NKTR: variants seen among roughly 807,000 people sequenced by gnomAD.
NKTR encodes natural killer cell triggering receptor, also known as NK-tumor recognition protein.
Under a neutral mutation model 156.3 loss-of-function variants are expected in NKTR, and 67 were observed. The observed-to-expected ratio is 0.43, with a 90% CI of 0.35 to 0.53. The LOEUF (loss-of-function observed/expected upper bound fraction) is 0.53, where lower values mean the gene tolerates loss of function less well. NKTR is among the 20% of genes least tolerant of loss of function. The pLI, the probability that NKTR is intolerant of heterozygous loss-of-function variation, is 0.01. For synonymous variants in NKTR, 640 were observed against 596.6 expected (o/e 1.07, Z -1.06); for missense variants, 1,604 against 1,730.9 (o/e 0.93, Z 1.30).
chr3:42,645,736 G>A, intron 16 of NKTR, 152 bp from the exon 17 acceptor site: 1 of 507,920 alleles, frequency 2.0e-6, no homozygotes, highest in Non-Finnish European at 3.6e-6. Flanking sequence ...CCCTACCTCT[G>A]TGTTATGCTG....
At chr3:42,619,234 T>C in intron 4 of NKTR, 107 bp downstream of exon 4, 1 of 1,528,024 alleles carries the variant, frequency 6.5e-7, no homozygotes, top group South Asian at 1.3e-5. Context: ...TGATATAAAA[T>C]GTGGTCAGTG....
chr3:42,628,048 C>T, intron 6 of NKTR: 1 of 985,412 alleles, frequency 1.0e-6, no homozygotes, highest in Non-Finnish European at 1.2e-6. Context: ...AGCCAAGTGC[C>T]AGTAACCCTG....
intron 3 of NKTR, 143 bp from the exon 4 acceptor site, chr3:42,618,872 GTTAAA>G (rs1707649537): frequency 3.0e-6 from 2 of 669,816 alleles, no homozygotes; most frequent in South Asian, 4.2e-5. Context: ...ATGTGTGTAT[GTTAAA>G]TTATCATGTC....
Position 42,632,636 on chromosome 3 carries a change from G to A in NKTR, c.586G>A (p.Glu196Lys). 1 of 1,612,974 alleles carries A rather than the reference G, an allele frequency of 6.2e-7. No individual in the cohort carries two copies. The highest frequency in any genetic ancestry group is 8.5e-7 in the Non-Finnish European group (1 of 1,179,682). The change falls in exon 9 of 17, where the codon GAA (glutamate) becomes AAA (lysine). Residue 196 changes from glutamate to lysine, a missense_variant. Transcript: ENST00000232978. ...EKKRKKPTHSEGSDSSSNSSS... is the reference protein window; with the variant it reads ...EKKRKKPTHSKGSDSSSNSSS... ...AAAAAGGAAGAAACCAACTCATTCA[G>A]AAGGCTCGGATTCCTCTTCCAATTC...
chr3:42,633,666 T>C lies in NKTR; in HGVS notation c.860T>C (p.Ile287Thr). Residue 287 changes from isoleucine to threonine, a missense_variant, in exon 10 of 17, where the codon ATT becomes ACT. This residue lies in a region of NKTR where 1,255 missense variants were observed against 1,243.7 expected (regional missense o/e 1.01). Coordinates refer to ENST00000232978, the MANE Select transcript of NKTR (RefSeq NM_005385.4). ...REKPVVRPEE[I>T]PPVPENRFLL... ...AAACCTGTGGTCCGCCCAGAAGAGATTCCTCCAGTGCCTGAGAACCGATTT... is the reference window on the plus strand; with the variant it reads ...AAACCTGTGGTCCGCCCAGAAGAGACTCCTCCAGTGCCTGAGAACCGATTT... 2.5e-6 allele frequency: 4 copies of C among 1,614,082 alleles called. No individual in the cohort carries two copies. The highest frequency in any genetic ancestry group is 3.4e-6 in the Non-Finnish European group (4 of 1,179,978).
At position 42,631,171 on chromosome 3, in the gene NKTR, G is replaced by C; in HGVS notation, c.405G>C (p.Gly135=). The C allele has an allele frequency of 6.2e-7, 1 of 1,613,404 alleles. No homozygotes were observed. Among genetic ancestry groups the C allele is most frequent in the South Asian group, 1.1e-5 (1 of 90,956 alleles). ...GTTTCTTGAATTTGTATTATGACAG[G>C]GTGCATGTAGTCTTTGGACTGGTTA... is the stretch of plus-strand genomic sequence containing the variant. ...ITTKPAPHLD[G]VHVVFGLVIS... is the part of the protein sequence containing the mutation. Residue 135 remains glycine (G), a splice_region_variant and synonymous_variant, in exon 8 of 17, where the codon GGG becomes GGC. Coordinates refer to ENST00000232978, the MANE Select transcript of NKTR (RefSeq NM_005385.4).
intron 4 of NKTR, 149 bp downstream of exon 4, chr3:42,619,276 C>T: frequency 2.1e-6 from 3 of 1,437,618 alleles, no homozygotes; most frequent in Non-Finnish European, 1.8e-6. Context: ...TATTATAGGT[C>T]CAGAATGTAT....
At chr3:42,629,637 T>A in intron 6 of NKTR, 1 of 977,990 alleles carries the variant, frequency 1.0e-6, no homozygotes, top group Non-Finnish European at 1.2e-6. Context: ...CTCTTAAATA[T>A]CTGTTTCTCA....
At chr3:42,645,527 A>T (rs963240286) in intron 16 of NKTR, among the ~76,000 whole-genome samples, 3 of 151,894 alleles carry the variant, frequency 2.0e-5, no homozygotes, top group Non-Finnish European at 4.4e-5. Flanking sequence ...TCTACTAAAT[A>T]AAAAAAATTA....
At chr3:42,605,042 T>C (rs1473723772) in intron 2 of NKTR, among the ~76,000 whole-genome samples, 1 of 152,148 alleles carries the variant, frequency 6.6e-6, no homozygotes, top group Non-Finnish European at 1.5e-5. Flanking sequence ...TTGAGGCTCT[T>C]AGGTGGGTAC....
At chr3:42,642,689 T>A in intron 14 of NKTR, 93 bp downstream of exon 14, 1 of 862,678 alleles carries the variant, frequency 1.2e-6, no homozygotes. Context: ...AGAAGAATCA[T>A]GTCATTACTG....
chr3:42,627,323 C>CT, intron 6 of NKTR: 1 of 971,864 alleles, frequency 1.0e-6, no homozygotes, highest in African/African-American at 1.8e-5. Context: ...AAAAAAAAAA[C>CT]TTTCTGCTTT....
chr3:42,639,776 T>C, intron 13 of NKTR, 26 bp downstream of exon 13: 2 of 1,476,494 alleles, frequency 1.4e-6, no homozygotes, highest in Non-Finnish European at 1.9e-6. Flanking sequence ...TTTCCTTTCT[T>C]CTCCCAAGGA....
In NKTR at chr3:42,638,329, CA is replaced by C. The variant is rs1219413251; in HGVS notation, c.2629del (p.Arg877GlyfsTer117). On this transcript the variant is annotated frameshift_variant, in exon 13 of 17. Coordinates refer to ENST00000232978, the MANE Select transcript of NKTR (RefSeq NM_005385.4). LOFTEE classifies it high-confidence loss of function. ...ATCACCTTAGAAATGGCAGTAAGCCCAAAAGGAAGAATTATGCTGGTAGTAA... is the reference window on the plus strand; with the variant it reads ...ATCACCTTAGAAATGGCAGTAAGCCCAAAGGAAGAATTATGCTGGTAGTAA... ...SDHLRNGSKPKRKNYAGSKWD... is the reference protein window; with the variant it reads ...SDHLRNGSKPXRKNYAGSKWD... 31 of 1,610,780 alleles carry C rather than the reference CA, an allele frequency of 1.9e-5. No individual in the cohort carries two copies. The highest frequency in any genetic ancestry group is 2.5e-5 in the Non-Finnish European group (29 of 1,179,128).
At chr3:42,639,783 A>C in intron 13 of NKTR, 33 bp downstream of exon 13, 1 of 1,416,964 alleles carries the variant, frequency 7.1e-7, no homozygotes, top group Non-Finnish European at 9.7e-7. Flanking sequence ...TCTTCTCCCA[A>C]GGAGAGTCTG....
In NKTR at chr3:42,634,731, T is replaced by C. The variant is rs1224462554; in HGVS notation, c.1017+31T>C. 5.6e-6 allele frequency: 7 copies of C among 1,242,692 alleles called. No individual in the cohort carries two copies. In the African/African-American group the frequency reaches 6.1e-5, roughly 11 times the overall value. The allele number at this position is 1,242,692 out of a possible 1,614,324, so 77.0% of individuals were successfully genotyped here. ...TGTGATAAGACTTTTTTTGATATTA[T>C]GTATCTAATAAAAAATTTTTACCTA... On this transcript the variant is annotated intron_variant, in intron 11 of 16. Coordinates refer to ENST00000232978, the MANE Select transcript of NKTR (RefSeq NM_005385.4).
In NKTR at chr3:42,634,078, G is replaced by A. The variant is rs567115583; in HGVS notation, c.929+343G>A. 9.8e-5 allele frequency among the ~76,000 whole-genome samples: 15 copies of A among 152,296 alleles called. No homozygotes were observed. The South Asian group carries it at 1.9e-3, about 19-fold the overall frequency. ...GAGGTTTTAGTTATCAGAATAGAGA[G>A]TTAGTTGAATTCTTTGGATCCATTT... On this transcript the variant is annotated intron_variant, in intron 10 of 16. Transcript: ENST00000232978.
At chr3:42,610,202 C>G (rs1351841087) in intron 2 of NKTR, among the ~76,000 whole-genome samples, 1 of 152,100 alleles carries the variant, frequency 6.6e-6, no homozygotes, top group African/African-American at 2.4e-5. Flanking sequence ...CGGGGTTTCT[C>G]CATGTTGGTC....
chr3:42,642,165 C>T (rs879679443), intron 13 of NKTR, among the ~76,000 whole-genome samples: 1 of 152,006 alleles, frequency 6.6e-6, no homozygotes, highest in Admixed American at 6.6e-5. Context: ...CAGAATATTT[C>T]GTTATATATC....
Sources: gnomAD v4.1 joint callset for allele counts (sites outside exome capture counted in the v4.1 genomes callset) on GRCh38, gnomAD v4.1.1 for gene constraint, gnomAD v4.1.1 regional missense constraint, MANE v1.5 for transcripts, NCBI Gene and HGNC (gene_info 2026-07-23, HGNC 2026-07-21) for gene names.